The following AFAP1 variants were observed in gnomAD, a reference collection of about 807,000 sequenced individuals.
AFAP1 encodes the protein actin filament-associated protein 1.
Under a neutral mutation model 93.9 loss-of-function variants are expected in AFAP1, and 75 were observed. The ratio of observed to expected loss-of-function variants is 0.80; its 90% CI spans 0.66 to 0.97. The LOEUF (loss-of-function observed/expected upper bound fraction) is 0.97. AFAP1 is among the 50% of genes least tolerant of loss of function. The pLI, the probability that AFAP1 is intolerant of heterozygous loss-of-function variation, is 0.00. For synonymous variants in AFAP1, 517 were observed against 430.7 expected (o/e 1.20, Z -2.48); for missense variants, 1,201 against 1,050.8 (o/e 1.14, Z -1.98).
chr4:7,768,526 C>T (rs1714943096), intron 17 of AFAP1, among the ~76,000 whole-genome samples: 2 of 152,114 alleles, frequency 1.3e-5, no homozygotes, highest in African/African-American at 4.8e-5. Context: ...GTCTAATCTC[C>T]ACCGCACCAC....
rs1713945413 is a variant in AFAP1 at position 7,762,426 on chromosome 4, G to A, written c.*1339C>T. The A allele has an allele frequency of 6.6e-6, 1 of 152,184 alleles. No individual in the cohort carries two copies. The highest frequency in any genetic ancestry group is 2.4e-5 in the African/African-American group (1 of 41,434). 9.4% of individuals were successfully genotyped at this position (152,184 alleles called of 1,614,324 possible). ...ATGAATCTGCCTGCGGAGGCGTTCA[G>A]GGGTGACTTATTTCGTCATAAGTGA... is the stretch of plus-strand genomic sequence containing the variant. On this transcript the variant is annotated 3_prime_UTR_variant, in exon 18 of 18. Coordinates refer to ENST00000420658, the MANE Select transcript of AFAP1 (RefSeq NM_001134647.2).
At chr4:7,853,743 A>G (rs28393652) in intron 4 of AFAP1, among the ~76,000 whole-genome samples, 116,653 of 152,158 alleles carry the variant, frequency 0.77, 45,320 homozygotes, top group East Asian at 0.94. Flanking sequence ...AAGGTGGTAC[A>G]ATCCTTAACT....
intron 3 of AFAP1, among the ~76,000 whole-genome samples, chr4:7,862,819 G>C (rs971482104): frequency 6.6e-6 from 1 of 152,148 alleles, no homozygotes; most frequent in Non-Finnish European, 1.5e-5. Flanking sequence ...AGCCCCAAAA[G>C]GAGTCTAGCT....
chr4:7,796,378 G>A (rs527751175), intron 10 of AFAP1, among the ~76,000 whole-genome samples: 2 of 152,296 alleles, frequency 1.3e-5, no homozygotes, highest in African/African-American at 2.4e-5. Context: ...CCAGCTCCGA[G>A]GGCCTCCTGC....
chr4:7,782,025 C>T (rs16841215), intron 12 of AFAP1, among the ~76,000 whole-genome samples: 16,341 of 152,172 alleles, frequency 0.11, 1,350 homozygotes, highest in East Asian at 0.48. Flanking sequence ...TAGCGCAGGG[C>T]GTGGATGGAA....
intron 12 of AFAP1, among the ~76,000 whole-genome samples, chr4:7,785,445 G>A (rs1260312081): frequency 1.3e-5 from 2 of 152,282 alleles, no homozygotes; most frequent in Middle Eastern, 3.4e-3. Context: ...GTAAGCTGTC[G>A]AATTTGTAAT....
intron 3 of AFAP1, among the ~76,000 whole-genome samples, chr4:7,867,120 G>A (rs1431789615): frequency 3.1e-5 from 3 of 95,612 alleles, no homozygotes; most frequent in African/African-American, 6.8e-5. Context: ...GGGGAGGGGA[G>A]GGTAGGGGAG....
At chr4:7,911,585 GA>G (rs1279886714) in intron 1 of AFAP1, among the ~76,000 whole-genome samples, 1 of 152,152 alleles carries the variant, frequency 6.6e-6, no homozygotes, top group East Asian at 1.9e-4. Context: ...GTGATCCCTT[GA>G]GTATGCTTCC....
chr4:7,779,636 T>C (rs1716541324), intron 13 of AFAP1, among the ~76,000 whole-genome samples: 1 of 152,228 alleles, frequency 6.6e-6, no homozygotes, highest in South Asian at 2.1e-4. Context: ...CCTCACTTTT[T>C]GGGAGGCAGA....
At chr4:7,907,682 G>T (rs1577350765) in intron 1 of AFAP1, among the ~76,000 whole-genome samples, 1 of 151,948 alleles carries the variant, frequency 6.6e-6, no homozygotes, top group Non-Finnish European at 1.5e-5. Flanking sequence ...CTCAGATTTT[G>T]GATTTTTGAA....
chr4:7,783,225 C>T (rs547413606), intron 12 of AFAP1, among the ~76,000 whole-genome samples: 11 of 152,230 alleles, frequency 7.2e-5, no homozygotes, highest in South Asian at 2.1e-4. Context: ...CTGCAGCCTC[C>T]GCCTCCCAGG....
At chr4:7,831,364 C>T (rs2149093547) in intron 6 of AFAP1, among the ~76,000 whole-genome samples, 1 of 148,872 alleles carries the variant, frequency 6.7e-6, no homozygotes, top group East Asian at 2.0e-4. Flanking sequence ...GTATTATTTA[C>T]TTTCCTTTTA....
At chr4:7,922,354 G>A (rs1720484136) in intron 1 of AFAP1, among the ~76,000 whole-genome samples, 1 of 152,174 alleles carries the variant, frequency 6.6e-6, no homozygotes, top group African/African-American at 2.4e-5. Flanking sequence ...GAGTTCAAAG[G>A]AAGAAAAATT....
chr4:7,800,920 C>G (rs1215557340), intron 9 of AFAP1, among the ~76,000 whole-genome samples: 2 of 152,170 alleles, frequency 1.3e-5, no homozygotes, highest in African/African-American at 4.8e-5. Flanking sequence ...TTACCAGATG[C>G]CTGGTGTTGA....
chr4:7,811,143 T>C (rs892289522), intron 8 of AFAP1, among the ~76,000 whole-genome samples: 28 of 152,260 alleles, frequency 1.8e-4, no homozygotes, highest in African/African-American at 6.0e-4. Flanking sequence ...GGGACACAGC[T>C]GCACTGCAGG....
chr4:7,812,008 C>T (rs1720090658), intron 8 of AFAP1, among the ~76,000 whole-genome samples: 2 of 151,316 alleles, frequency 1.3e-5, no homozygotes, highest in East Asian at 2.0e-4. Flanking sequence ...CCGAGACTGG[C>T]TTTCGATCCC....
intron 1 of AFAP1, among the ~76,000 whole-genome samples, chr4:7,888,460 A>G (rs181750811): frequency 1.1e-4 from 17 of 152,346 alleles, no homozygotes; most frequent in African/African-American, 3.8e-4. Flanking sequence ...TAATATGACC[A>G]TAAGGAAATA....
At position 7,786,357 on chromosome 4, in the gene AFAP1, T is replaced by C. The variant is rs879021510; in HGVS notation, c.1413-46A>G. 17 of 1,490,740 alleles carry C rather than the reference T, an allele frequency of 1.1e-5. 1 individual carries two copies. In the South Asian group the frequency reaches 1.9e-4, roughly 17 times the overall value. The allele number at this position is 1,490,740 out of a possible 1,614,324, so 92.3% of individuals were successfully genotyped here. A position where few individuals can be genotyped will look rare whatever the true frequency, so the allele number is the denominator to read the frequency against. Reference sequence around the variant, plus strand: ...TAAAATCCATAACCTGACCACCTTTTACTCCAATCAGTCAAGTCTTTAATG... The same window carrying C: ...TAAAATCCATAACCTGACCACCTTTCACTCCAATCAGTCAAGTCTTTAATG... On this transcript the variant is annotated intron_variant, in intron 11 of 17. Transcript: ENST00000420658.
intron 17 of AFAP1, among the ~76,000 whole-genome samples, chr4:7,768,049 T>G (rs971329791): frequency 1.2e-4 from 19 of 152,234 alleles, no homozygotes; most frequent in African/African-American, 4.6e-4. Context: ...ATACTCAGCC[T>G]GGGCCAGGGA....
Sources: gnomAD v4.1 joint callset for allele counts (sites outside exome capture counted in the v4.1 genomes callset) on GRCh38, gnomAD v4.1.1 for gene constraint, MANE v1.5 for transcripts, NCBI Gene and HGNC (gene_info 2026-07-23, HGNC 2026-07-21) for gene names.